The following SYTL3 variants were observed in gnomAD, a reference collection of about 807,000 sequenced individuals.
SYTL3 encodes the protein synaptotagmin-like protein 3.
A neutral mutation model predicts 82.1 loss-of-function variants in SYTL3; 88 were observed. The observed-to-expected ratio is 1.07, with a 90% CI of 0.90 to 1.28. SYTL3 has a LOEUF of 1.28. Among genes scored for constraint, SYTL3 ranks in the 50% most tolerant of loss-of-function variants. SYTL3 has a pLI of 0.00. For missense variants in SYTL3, 831 were observed against 757.6 expected (o/e 1.10, Z -1.14); for synonymous variants, 311 against 289.4 (o/e 1.07, Z -0.76).
intron 13 of SYTL3, among the ~76,000 whole-genome samples, chr6:158,753,077 CTTTTTTT>C (rs34396644): frequency 1.0e-5 from 1 of 99,114 alleles, no homozygotes; most frequent in African/African-American, 4.5e-5. Flanking sequence ...TTCTTCTTTT[CTTTTTTT>C]TTTTTTTTTT....
chr6:158,712,149 T>A (rs1782828440), intron 8 of SYTL3, among the ~76,000 whole-genome samples: 1 of 152,208 alleles, frequency 6.6e-6, no homozygotes, highest in African/African-American at 2.4e-5. Flanking sequence ...TGGAGTCCAA[T>A]GGCCAATCAG....
chr6:158,697,236 C>T (rs1005165688), intron 6 of SYTL3, among the ~76,000 whole-genome samples: 13 of 140,144 alleles, frequency 9.3e-5, no homozygotes, highest in Non-Finnish European at 1.5e-4. Context: ...CCCAGGAGTT[C>T]GAGACCAGCC....
chr6:158,674,162 CTT>C (rs1777762917), intron 5 of SYTL3, among the ~76,000 whole-genome samples: 1 of 151,608 alleles, frequency 6.6e-6, no homozygotes, highest in Non-Finnish European at 1.5e-5. Context: ...CATTTAATGT[CTT>C]TTTCTTTCTC....
chr6:158,660,318 TGGGG>T (rs1789230032), intron 2 of SYTL3, among the ~76,000 whole-genome samples: 1 of 152,088 alleles, frequency 6.6e-6, no homozygotes, highest in Non-Finnish European at 1.5e-5. Context: ...GAACAGCGCC[TGGGG>T]TGTTCAATAA....
the SYTL3 span, among the ~76,000 whole-genome samples, chr6:158,645,009 A>G: frequency 3.9e-5 from 6 of 152,196 alleles, no homozygotes; most frequent in Admixed American, 6.5e-5. Flanking sequence ...ACACACGTAC[A>G]AAAGGCAGTC....
intron 14 of SYTL3, 72 bp downstream of exon 14, chr6:158,757,453 C>A: frequency 6.6e-7 from 1 of 1,524,900 alleles, no homozygotes; most frequent in South Asian, 1.2e-5. Flanking sequence ...AGAGAGATCC[C>A]AGAAGAGAAA....
At chr6:158,682,814 G>C (rs1011326134) in intron 5 of SYTL3, 111 bp from the exon 6 acceptor site, 7 of 720,078 alleles carry the variant, frequency 9.7e-6, no homozygotes, top group South Asian at 1.7e-5. Flanking sequence ...TGATTGCTGA[G>C]GTCCATTGCA....
At chr6:158,755,804 C>T (rs1051406659) in intron 13 of SYTL3, among the ~76,000 whole-genome samples, 6 of 152,232 alleles carry the variant, frequency 3.9e-5, no homozygotes. Context: ...ACCATTCAAA[C>T]CCCAAACAAG....
intron 2 of SYTL3, among the ~76,000 whole-genome samples, chr6:158,653,509 GA>G (rs571333743): frequency 7.6e-4 from 109 of 142,484 alleles, no homozygotes; most frequent in Non-Finnish European, 1.3e-3. Context: ...CCGTCTCAGA[GA>G]AAAAAAAAAA....
rs1213094063 is a variant in SYTL3, at chr6:158,764,506, G to A, written c.1735G>A (p.Ala579Thr). The A allele has an allele frequency of 4.3e-6, 7 of 1,613,668 alleles. No individual in the cohort carries two copies. In the Admixed American group the frequency reaches 8.3e-5, roughly 19 times the overall value. The change falls in exon 18 of 18, where the codon GCT becomes ACT. Residue 579 changes from alanine to threonine, a missense_variant. Transcript: ENST00000611299. ...TTCCTCTCTTACAGAGGGAGACACA[G>A]CTGTTGGCGGGGATGCATGCTCACT... Reference protein sequence around the residue: ...GTRLGSKGDTAVGGDACSLSK... With the variant: ...GTRLGSKGDTTVGGDACSLSK...
intron 7 of SYTL3, among the ~76,000 whole-genome samples, chr6:158,707,677 T>G (rs1197146051): frequency 6.6e-6 from 1 of 152,208 alleles, no homozygotes; most frequent in African/African-American, 2.4e-5. Context: ...GAAATAAACA[T>G]TGATAGAATT....
intron 8 of SYTL3, among the ~76,000 whole-genome samples, chr6:158,713,377 A>T (rs1014733103): frequency 2.0e-5 from 3 of 151,824 alleles, no homozygotes; most frequent in Admixed American, 6.6e-5. Context: ...TACCATCCTC[A>T]TCCCCTGTGC....
chr6:158,732,856 A>G (rs534280374), intron 11 of SYTL3, among the ~76,000 whole-genome samples: 3 of 152,200 alleles, frequency 2.0e-5, no homozygotes, highest in African/African-American at 7.2e-5. Flanking sequence ...TCAATTGGCT[A>G]TCCCTTTTAC....
chr6:158,724,834 G>C (rs1583380637), intron 10 of SYTL3, among the ~76,000 whole-genome samples: 1 of 152,156 alleles, frequency 6.6e-6, no homozygotes, highest in Non-Finnish European at 1.5e-5. Flanking sequence ...GACCAACATG[G>C]TGAAACCCCA....
intron 12 of SYTL3, 99 bp downstream of exon 12, chr6:158,745,757 A>C (rs1230286340): frequency 1.9e-6 from 2 of 1,043,350 alleles, no homozygotes; most frequent in African/African-American, 1.6e-5. Flanking sequence ...TATTAAAAAA[A>C]AAAACAAAAT....
At chr6:158,747,659 C>T (rs1297849591) in intron 12 of SYTL3, among the ~76,000 whole-genome samples, 1 of 151,928 alleles carries the variant, frequency 6.6e-6, no homozygotes, top group Non-Finnish European at 1.5e-5. Context: ...GATTTTTTAA[C>T]TTATTTTTGT....
chr6:158,697,837 A>G (rs951297539), intron 6 of SYTL3, among the ~76,000 whole-genome samples: 10 of 152,186 alleles, frequency 6.6e-5, no homozygotes, highest in African/African-American at 2.4e-4. Flanking sequence ...TGTCTGCCTG[A>G]TAGGACATGG....
chr6:158,742,432 C>T (rs775677111), intron 11 of SYTL3, among the ~76,000 whole-genome samples: 1 of 152,178 alleles, frequency 6.6e-6, no homozygotes, highest in Non-Finnish European at 1.5e-5. Context: ...GGTCCATTTC[C>T]AGATGACTCT....
intron 7 of SYTL3, 24 bp from the exon 8 acceptor site, chr6:158,708,298 T>G (rs373930719): frequency 8.7e-6 from 14 of 1,601,566 alleles, no homozygotes; most frequent in Non-Finnish European, 1.2e-5. Context: ...AACCCATTTC[T>G]TATGCCTGTG....
Sources: allele counts gnomAD v4.1 joint callset (sites outside exome capture counted in the v4.1 genomes callset), GRCh38; gene constraint gnomAD v4.1.1; transcripts MANE v1.5; gene names NCBI Gene and HGNC (gene_info 2026-07-23, HGNC 2026-07-21).